The following PTPRT variants were observed in gnomAD, a reference collection of about 807,000 sequenced individuals.
PTPRT encodes the protein receptor-type tyrosine-protein phosphatase T.
PTPRT carries 56 observed loss-of-function variants against 176.8 expected under a neutral mutation model. The ratio of observed to expected loss-of-function variants is 0.32; its 90% CI spans 0.26 to 0.40. The LOEUF (loss-of-function observed/expected upper bound fraction) is 0.40. Ranked by LOEUF, PTPRT falls within the 10% of genes least tolerant of loss-of-function variation. The probability of loss-of-function intolerance (pLI) is 1.00; values close to 1 mark genes in which losing one functional copy is unlikely to be tolerated. For synonymous variants in PTPRT, 783 were observed against 739.0 expected, an observed-to-expected ratio of 1.06 and a Z score of -0.96; for missense variants, 1,540 against 1,908.2, an observed-to-expected ratio of 0.81 and a Z score of 3.60.
intron 6 of PTPRT, among the ~76,000 whole-genome samples, chr20:42,717,976 C>T (rs1018340197): frequency 6.6e-6 from 1 of 152,190 alleles, no homozygotes; most frequent in African/African-American, 2.4e-5. Flanking sequence ...CACATACCTA[C>T]CAGAATGGCT....
At chr20:43,071,044 G>A (rs1182561330) in intron 1 of PTPRT, among the ~76,000 whole-genome samples, 3 of 151,442 alleles carry the variant, frequency 2.0e-5, no homozygotes, top group African/African-American at 7.3e-5. Flanking sequence ...AGTGGCCAAT[G>A]ACTGACCAAC....
At chr20:42,537,543 A>G (rs1051895987) in intron 7 of PTPRT, among the ~76,000 whole-genome samples, 3 of 152,160 alleles carry the variant, frequency 2.0e-5, no homozygotes, top group African/African-American at 4.8e-5. Context: ...TGATGATGAA[A>G]GTGAGGTTTG....
chr20:42,205,096 C>G (rs1211149032), intron 15 of PTPRT, among the ~76,000 whole-genome samples: 1 of 149,488 alleles, frequency 6.7e-6, no homozygotes, highest in African/African-American at 2.5e-5. Flanking sequence ...GGAGGGATAG[C>G]ATTAGGAGAT....
chr20:42,039,976 C>A, the PTPRT span, among the ~76,000 whole-genome samples: 58 of 151,938 alleles, frequency 3.8e-4, no homozygotes, highest in African/African-American at 1.4e-3. Context: ...CTGGATCATA[C>A]GGTAGTTCTA....
chr20:43,098,383 T>A (rs966813523), intron 1 of PTPRT, among the ~76,000 whole-genome samples: 1 of 152,120 alleles, frequency 6.6e-6, no homozygotes, highest in African/African-American at 2.4e-5. Flanking sequence ...TGGATATAAC[T>A]GAACTTCCCA....
chr20:42,655,421 G>A (rs943950149), intron 7 of PTPRT, among the ~76,000 whole-genome samples: 1 of 152,190 alleles, frequency 6.6e-6, no homozygotes, highest in Non-Finnish European at 1.5e-5. Context: ...AAACTGGGAG[G>A]CAGAGATTGC....
chr20:42,532,008 T>C (rs1780949672), intron 7 of PTPRT, among the ~76,000 whole-genome samples: 1 of 152,170 alleles, frequency 6.6e-6, no homozygotes, highest in Non-Finnish European at 1.5e-5. Flanking sequence ...ACTAACAATG[T>C]CACTGTAGTG....
intron 9 of PTPRT, among the ~76,000 whole-genome samples, chr20:42,434,987 A>C (rs778023944): frequency 2.0e-5 from 3 of 149,348 alleles, no homozygotes; most frequent in Non-Finnish European, 3.0e-5. Context: ...AAAAAACAAA[A>C]AACAAAAACA....
At chr20:42,613,988 G>A (rs1245763212) in intron 7 of PTPRT, among the ~76,000 whole-genome samples, 1 of 118,786 alleles carries the variant, frequency 8.4e-6, no homozygotes, top group African/African-American at 3.2e-5. Context: ...CATAGACTGG[G>A]TGGGGGGTGG....
chr20:42,424,069 A>G (rs1227864257), intron 9 of PTPRT, among the ~76,000 whole-genome samples: 1 of 152,186 alleles, frequency 6.6e-6, no homozygotes, highest in African/African-American at 2.4e-5. Context: ...GTAAATCTCT[A>G]TTTATTTGGC....
intron 2 of PTPRT, among the ~76,000 whole-genome samples, chr20:42,842,382 A>T (rs927790705): frequency 1.3e-5 from 2 of 152,180 alleles, no homozygotes; most frequent in Admixed American, 1.3e-4. Context: ...TTCACTTCAG[A>T]CTGCTATAAC....
intron 1 of PTPRT, among the ~76,000 whole-genome samples, chr20:43,078,040 G>T (rs547112330): frequency 2.0e-5 from 3 of 152,212 alleles, no homozygotes; most frequent in East Asian, 3.9e-4. Context: ...AGCACCCAAT[G>T]CCATTATAAT....
At chr20:42,633,460 A>G (rs1182380409) in intron 7 of PTPRT, among the ~76,000 whole-genome samples, 1 of 151,802 alleles carries the variant, frequency 6.6e-6, no homozygotes, top group East Asian at 1.9e-4. Flanking sequence ...CCAATCTAAC[A>G]CTTCGTTGTA....
intron 7 of PTPRT, among the ~76,000 whole-genome samples, chr20:42,668,858 A>ATTTTTTTTTT (rs755121515): frequency 0.023 from 1,835 of 81,230 alleles, no homozygotes; most frequent in Non-Finnish European, 0.031. Flanking sequence ...CGCCCAGCTA[A>ATTTTTTTTTT]TTTTTTTTTT....
Position 42,161,334 on chromosome 20 carries a change from C to T in PTPRT, c.2682+18G>A. ...CTCTGAAACTATCAGGAAGTTTCCC[C>T]ACAGGCTGGTCTCTTACCTCGTATT... On this transcript the variant is annotated intron_variant, in intron 17 of 30. Transcript: ENST00000373187. 3 of 1,613,904 alleles carry T rather than the reference C, an allele frequency of 1.9e-6. No individual in the cohort carries two copies. The highest frequency in any genetic ancestry group is 4.5e-5 in the East Asian group (2 of 44,860).
chr20:42,109,300 A>C (rs1310289171), intron 23 of PTPRT, among the ~76,000 whole-genome samples: 2 of 152,150 alleles, frequency 1.3e-5, no homozygotes, highest in Admixed American at 1.3e-4. Context: ...GGCTGCCCCA[A>C]GGTCATATTG....
At chr20:43,178,168 T>C (rs995373804) in intron 1 of PTPRT, among the ~76,000 whole-genome samples, 10 of 152,184 alleles carry the variant, frequency 6.6e-5, no homozygotes, top group African/African-American at 2.2e-4. Context: ...TTAGTAAACC[T>C]AATAAAAATG....
At chr20:43,052,422 C>A (rs78473422) in intron 1 of PTPRT, among the ~76,000 whole-genome samples, 10,828 of 152,298 alleles carry the variant, frequency 0.071, 473 homozygotes, top group Middle Eastern at 0.14. Flanking sequence ...ATGTACCATG[C>A]AAGGGTTGGG....
At chr20:42,717,883 G>C (rs1224817916) in intron 6 of PTPRT, among the ~76,000 whole-genome samples, 3 of 152,336 alleles carry the variant, frequency 2.0e-5, no homozygotes, top group Non-Finnish European at 2.9e-5. Flanking sequence ...GTGTGTGTGT[G>C]TGTGCATGCG....
Sources: allele counts gnomAD v4.1 joint callset (sites outside exome capture counted in the v4.1 genomes callset), GRCh38; gene constraint gnomAD v4.1.1; transcripts MANE v1.5; gene names NCBI Gene and HGNC (gene_info 2026-07-23, HGNC 2026-07-21).